The following MAD1L1 variants were observed in gnomAD, a reference collection of about 807,000 sequenced individuals.
MAD1L1 encodes the protein mitotic spindle assembly checkpoint protein MAD1.
A neutral mutation model predicts 96.9 loss-of-function variants in MAD1L1; 95 were observed. The ratio of observed to expected loss-of-function variants is 0.98; its 90% CI spans 0.83 to 1.16. The LOEUF (loss-of-function observed/expected upper bound fraction) is 1.16. Ranked by LOEUF, MAD1L1 falls within the 50% of genes most tolerant of loss-of-function variation. The pLI is 0.00. For synonymous variants in MAD1L1, 473 were observed against 396.6 expected (o/e 1.19, Z -2.29); for missense variants, 1,007 against 954.4 (o/e 1.06, Z -0.73).
In MAD1L1 at chr7:2,103,106, C is replaced by T. The variant is rs1244889348; in HGVS notation, c.1074-33768G>A. Among the ~76,000 whole-genome samples, 3 of 152,198 alleles carry T rather than the reference C, an allele frequency of 2.0e-5. No homozygotes were observed. Among genetic ancestry groups the T allele is most frequent in the Non-Finnish European group, 4.4e-5 (3 of 68,038 alleles). On this transcript the variant is annotated intron_variant, in intron 11 of 18. Transcript: ENST00000265854. This position sits in a 1 kb window ranked among gnomAD's most constrained non-coding sequence, Gnocchi z 4.3. ...TGCTGGAGACGCGCGTCCTCTCCCA[C>T]CTCAGGGCCCCTGCGCTTGCTGCTG...
chr7:1,946,795 T>C lies in MAD1L1; in HGVS notation c.1597-9898A>G, dbSNP rs931170300. Reference sequence around the variant, plus strand: ...GCCCCACCTTCAGACAAAGCGGTCTTGGAGGGGTCTGCACAGGGAGAGACA... The same window carrying C: ...GCCCCACCTTCAGACAAAGCGGTCTCGGAGGGGTCTGCACAGGGAGAGACA... On this transcript the variant is annotated intron_variant, in intron 16 of 18. Coordinates refer to ENST00000265854, the MANE Select transcript of MAD1L1 (RefSeq NM_001013836.2). Among the ~76,000 whole-genome samples, 4 of 152,300 alleles carry C rather than the reference T, an allele frequency of 2.6e-5. No individual in the cohort carries two copies. The South Asian group carries it at 8.3e-4, about 32-fold the overall frequency.
intron 10 of MAD1L1, among the ~76,000 whole-genome samples, chr7:2,162,559 C>G (rs1584460320): frequency 1.3e-5 from 2 of 151,394 alleles, no homozygotes; most frequent in African/African-American, 2.4e-5. Context: ...ATCCCCCTCT[C>G]CGAGAAACAC....
chr7:1,852,204 T>G (rs937558984), intron 18 of MAD1L1, among the ~76,000 whole-genome samples: 3 of 152,174 alleles, frequency 2.0e-5, no homozygotes, highest in Non-Finnish European at 4.4e-5. Flanking sequence ...GACCCAGCAC[T>G]GGGCGAGGAT....
chr7:2,001,555 CT>C (rs1781794626), intron 14 of MAD1L1, among the ~76,000 whole-genome samples: 2 of 152,232 alleles, frequency 1.3e-5, no homozygotes, highest in African/African-American at 4.8e-5. Context: ...GAGAAAACAG[CT>C]TAAAAGCACG....
At chr7:2,100,729 T>A (rs910349287) in intron 11 of MAD1L1, among the ~76,000 whole-genome samples, 2 of 152,240 alleles carry the variant, frequency 1.3e-5, no homozygotes, top group African/African-American at 4.8e-5. Context: ...CATCACTTCA[T>A]CTTGGCAGCT....
At chr7:2,150,177 TGGAA>T (rs1789501494) in intron 10 of MAD1L1, among the ~76,000 whole-genome samples, 1 of 152,040 alleles carries the variant, frequency 6.6e-6, no homozygotes, top group African/African-American at 2.4e-5. Context: ...CCTGCACCCC[TGGAA>T]GGAGAGGTCC....
intron 10 of MAD1L1, among the ~76,000 whole-genome samples, chr7:2,156,108 G>A (rs1462873316): frequency 6.6e-6 from 1 of 152,156 alleles, no homozygotes; most frequent in African/African-American, 2.4e-5. Context: ...GTTTCACGGC[G>A]CGTGTGGCGA....
chr7:2,093,895 G>A (rs999684910), intron 11 of MAD1L1, among the ~76,000 whole-genome samples: 2 of 152,240 alleles, frequency 1.3e-5, no homozygotes, highest in Non-Finnish European at 2.9e-5. Flanking sequence ...CTCAGGTGAC[G>A]ATGTCAGGTC....
intron 18 of MAD1L1, among the ~76,000 whole-genome samples, chr7:1,863,970 C>G (rs1450951358): frequency 6.6e-6 from 1 of 150,480 alleles, no homozygotes. Context: ...CACCTGTAAT[C>G]CCAGCTACTC....
At chr7:1,921,006 GAGAGGGTGGGGAGGTGGGA>G (rs376185679) in intron 17 of MAD1L1, among the ~76,000 whole-genome samples, 11 of 152,366 alleles carry the variant, frequency 7.2e-5, no homozygotes, top group African/African-American at 2.6e-4. Context: ...GCAACCCAAA[GAGAGGGTGGGGAGGTGGGA>G]AGAGGGCGGA....
In MAD1L1 at chr7:2,210,526, CCGCA is replaced by C. The variant is rs1468852422; in HGVS notation, c.986+2682_986+2685del. On this transcript the variant is annotated intron_variant, in intron 10 of 18. Transcript: ENST00000265854. ...AGGAGCCGTATTCGGGACCGCCAGCCCGCATTCCCGTGGACTCTCTAGGAGCCGT... is the reference window on the plus strand; with the variant it reads ...AGGAGCCGTATTCGGGACCGCCAGCCTTCCCGTGGACTCTCTAGGAGCCGT... 3.0e-3 allele frequency among the ~76,000 whole-genome samples: 412 copies of C among 135,458 alleles called. 4 individuals carry two copies. Among genetic ancestry groups the C allele is most frequent in the African/African-American group, 8.3e-3 (304 of 36,688 alleles). The allele number at this position is 135,458 out of a possible 152,430, so 88.9% of individuals were successfully genotyped here. A position where few individuals can be genotyped will look rare whatever the true frequency, so the allele number is the denominator to read the frequency against.
At chr7:1,874,659 A>T in intron 18 of MAD1L1, 3 of 397,706 alleles carry the variant, frequency 7.5e-6, no homozygotes, top group South Asian at 5.6e-5. Context: ...CAGGAGGGAA[A>T]AGCAGCTCGC....
chr7:2,125,467 C>G (rs530843023), intron 11 of MAD1L1, among the ~76,000 whole-genome samples: 106 of 152,278 alleles, frequency 7.0e-4, no homozygotes, highest in African/African-American at 2.5e-3. Flanking sequence ...CGAGCTCCAC[C>G]GTACACTCAG....
intron 14 of MAD1L1, among the ~76,000 whole-genome samples, chr7:2,000,330 C>T (rs966140466): frequency 6.6e-6 from 1 of 152,184 alleles, no homozygotes; most frequent in African/African-American, 2.4e-5. Context: ...CCCGGCCTGC[C>T]ACTTCCCACC....
chr7:1,971,614 T>G (rs1409182508), intron 15 of MAD1L1, among the ~76,000 whole-genome samples: 1 of 152,166 alleles, frequency 6.6e-6, no homozygotes, highest in Admixed American at 6.5e-5. Flanking sequence ...CACGTGCACT[T>G]AAGTGTAATC....
chr7:1,891,027 G>A (rs1444765568), intron 18 of MAD1L1, among the ~76,000 whole-genome samples: 3 of 152,158 alleles, frequency 2.0e-5, no homozygotes, highest in Admixed American at 6.5e-5. Context: ...CGGGCTCTGC[G>A]CCACCTCCCC....
chr7:2,232,531 T>C (rs1037331080), intron 1 of MAD1L1, among the ~76,000 whole-genome samples: 2 of 152,076 alleles, frequency 1.3e-5, no homozygotes, highest in South Asian at 2.1e-4. Flanking sequence ...ACCCACACGG[T>C]AGGCAGCGGG....
At position 2,222,800 on chromosome 7, in the gene MAD1L1, G is replaced by A. The variant is rs757450383; in HGVS notation, c.292-46C>T. The A allele has an allele frequency of 8.1e-6, 12 of 1,477,270 alleles. No homozygotes were observed. The East Asian group carries it at 2.7e-4, about 33-fold the overall frequency. 91.5% of individuals were successfully genotyped at this position (1,477,270 alleles called of 1,614,324 possible). On this transcript the variant is annotated intron_variant, in intron 4 of 18. Transcript: ENST00000265854. ...AGATGCCACGTGCCGCCCACGGGAG[G>A]GTCAGCGGGGAGCCCTCACCCCCAC...
chr7:2,072,101 G>A (rs368560722), intron 11 of MAD1L1, among the ~76,000 whole-genome samples: 15 of 152,356 alleles, frequency 9.8e-5, no homozygotes, highest in African/African-American at 1.4e-4. Flanking sequence ...ACAGCTGGCC[G>A]GTCAGAAGCA....
Sources: allele counts gnomAD v4.1 joint callset (sites outside exome capture counted in the v4.1 genomes callset), GRCh38; gene constraint gnomAD v4.1.1; non-coding constraint Gnocchi (gnomAD v3.1); transcripts MANE v1.5; gene names NCBI Gene and HGNC (gene_info 2026-07-23, HGNC 2026-07-21).